The following PCCA variants were observed in gnomAD, a reference collection of about 807,000 sequenced individuals.
PCCA encodes propionyl-CoA carboxylase subunit alpha.
A neutral mutation model predicts 101.3 loss-of-function variants in PCCA; 74 were observed. The observed-to-expected ratio is 0.73, with a 90% CI of 0.61 to 0.89. The LOEUF is 0.89. Ranked by LOEUF, PCCA falls within the 40% of genes least tolerant of loss-of-function variation. The pLI is 0.00. For missense variants in PCCA, 891 were observed against 907.0 expected (o/e 0.98, Z 0.23); for synonymous variants, 294 against 313.6 (o/e 0.94, Z 0.66).
chr13:100,198,348 C>G lies in PCCA; in HGVS notation c.469-10984C>G, dbSNP rs186690455. 13 of 152,300 alleles carry G rather than the reference C, an allele frequency of 8.5e-5. No individual in the cohort carries two copies. In the East Asian group the frequency reaches 1.5e-3, roughly 18 times the overall value. The allele number at this position is 152,300 out of a possible 1,614,324, so 9.4% of individuals were successfully genotyped here. A position where few individuals can be genotyped will look rare whatever the true frequency, so the allele number is the denominator to read the frequency against. ...GCAACCCAGGAGTGAGATTGAATCT[C>G]TGATTAAAGAGCAAAGCTTGAGTGT... On this transcript the variant is annotated intron_variant, in intron 6 of 23. Transcript: ENST00000376285.
intron 21 of PCCA, among the ~76,000 whole-genome samples, chr13:100,498,901 G>A (rs1249122812): frequency 6.6e-6 from 1 of 152,126 alleles, no homozygotes; most frequent in Non-Finnish European, 1.5e-5. Flanking sequence ...CTTGTTTATG[G>A]TAGAGAGAAA....
At chr13:100,225,737 T>C (rs1280530176) in intron 7 of PCCA, among the ~76,000 whole-genome samples, 1 of 152,236 alleles carries the variant, frequency 6.6e-6, no homozygotes, top group Non-Finnish European at 1.5e-5. Context: ...AAGACTCAAT[T>C]ATTTTTACTA....
At chr13:100,376,370 G>C (rs2075902861) in intron 19 of PCCA, among the ~76,000 whole-genome samples, 1 of 152,212 alleles carries the variant, frequency 6.6e-6, no homozygotes, top group Non-Finnish European at 1.5e-5. Flanking sequence ...AACAGAGCTG[G>C]AGTGCTGTGC....
intron 20 of PCCA, among the ~76,000 whole-genome samples, chr13:100,440,212 A>G (rs1186468772): frequency 3.9e-5 from 5 of 127,570 alleles, no homozygotes; most frequent in Non-Finnish European, 7.9e-5. Flanking sequence ...ATATATATAA[A>G]ACGTGATAAC....
intron 7 of PCCA, among the ~76,000 whole-genome samples, chr13:100,210,181 T>C (rs578040536): frequency 6.6e-6 from 1 of 152,298 alleles, no homozygotes; most frequent in South Asian, 2.1e-4. Context: ...TCTCACCGTG[T>C]TGCCCAGGCT....
chr13:100,414,352 T>G (rs1051712588), intron 19 of PCCA, among the ~76,000 whole-genome samples: 1 of 152,216 alleles, frequency 6.6e-6, no homozygotes, highest in African/African-American at 2.4e-5. Context: ...GGGAGGTCAC[T>G]AGAGGTATGA....
Position 100,111,739 on chromosome 13 carries a change from G to C in PCCA, c.184-102G>C, listed in dbSNP as rs138584872. 30 of 724,956 alleles carry C rather than the reference G, an allele frequency of 4.1e-5. No homozygotes were observed. The African/African-American group carries it at 5.1e-4, about 12-fold the overall frequency. 44.9% of individuals were successfully genotyped at this position (724,956 alleles called of 1,614,324 possible). A position where few individuals can be genotyped will look rare whatever the true frequency, so the allele number is the denominator to read the frequency against. ...ACTCTAGGAAGTAATGTTTATTAGG[G>C]TTATATTCAGTGTTGATGTTGGAAA... On this transcript the variant is annotated intron_variant, in intron 2 of 23. Coordinates refer to ENST00000376285, the MANE Select transcript of PCCA (RefSeq NM_000282.4).
chr13:100,308,077 T>A (rs1183698050), intron 15 of PCCA, among the ~76,000 whole-genome samples: 2 of 152,078 alleles, frequency 1.3e-5, no homozygotes, highest in African/African-American at 4.8e-5. Flanking sequence ...ATGGTCTCCA[T>A]CTCCTGACCT....
chr13:100,255,186 T>G lies in PCCA; in HGVS notation c.638-2409T>G, dbSNP rs542014256. 9.6e-4 allele frequency among the ~76,000 whole-genome samples: 147 copies of G among 152,336 alleles called. 1 individual carries two copies. The highest frequency in any genetic ancestry group is 3.2e-3 in the African/African-American group (134 of 41,582). The stretch of plus-strand genomic sequence containing the variant: ...GGGAATCTTGCCTTCCTGGGTTACA[T>G]GTATTCACAGGTCTAATGCTGTGAT... On this transcript the variant is annotated intron_variant, in intron 8 of 23. Transcript: ENST00000376285.
At chr13:100,208,319 T>TC (rs1040993967) in intron 6 of PCCA, among the ~76,000 whole-genome samples, 3 of 152,148 alleles carry the variant, frequency 2.0e-5, no homozygotes, top group Non-Finnish European at 2.9e-5. Context: ...GAACCTTTTT[T>TC]CCCAAGTCAA....
At chr13:100,202,219 A>G (rs940537929) in intron 6 of PCCA, among the ~76,000 whole-genome samples, 2 of 150,522 alleles carry the variant, frequency 1.3e-5, no homozygotes, top group African/African-American at 2.4e-5. Context: ...CTGTAGGCCT[A>G]GCTACTTGGG....
At chr13:100,376,924 C>A (rs1439662628) in intron 19 of PCCA, among the ~76,000 whole-genome samples, 1 of 152,180 alleles carries the variant, frequency 6.6e-6, no homozygotes, top group Non-Finnish European at 1.5e-5. Context: ...AAACCCAGGG[C>A]CCTGGTGGTG....
At chr13:100,177,330 G>C (rs2056329625) in intron 6 of PCCA, among the ~76,000 whole-genome samples, 1 of 152,150 alleles carries the variant, frequency 6.6e-6, no homozygotes, top group Non-Finnish European at 1.5e-5. Flanking sequence ...CAGCTTTCTA[G>C]TGTCAGAGTA....
chr13:100,196,379 G>T (rs1325438158), intron 6 of PCCA, among the ~76,000 whole-genome samples: 1 of 152,124 alleles, frequency 6.6e-6, no homozygotes, highest in African/African-American at 2.4e-5. Context: ...CATCAGTGTA[G>T]GAGAAACAAG....
rs1422906786 is a variant in PCCA at position 100,450,308 on chromosome 13, CGCCTGAACTGAG to C, written c.1899+1005_1899+1016del. Among the ~76,000 whole-genome samples, 8 of 151,884 alleles carry C rather than the reference CGCCTGAACTGAG, an allele frequency of 5.3e-5. No homozygotes were observed. The East Asian group carries it at 1.2e-3, about 22-fold the overall frequency. On this transcript the variant is annotated intron_variant, in intron 21 of 23. Transcript: ENST00000376285. ...CTGAGGGAGGCTGAGGCAGGAGAAT[CGCCTGAACTGAG>C]GAGGTGGAGGTTGCAGTGAGCCACG...
At chr13:100,234,697 C>G (rs533375671) in intron 7 of PCCA, among the ~76,000 whole-genome samples, 1 of 151,238 alleles carries the variant, frequency 6.6e-6, no homozygotes, top group Non-Finnish European at 1.5e-5. Context: ...AACATCCCCC[C>G]CCGCCCCCTT....
intron 18 of PCCA, among the ~76,000 whole-genome samples, chr13:100,366,593 T>C (rs1269897300): frequency 3.3e-5 from 5 of 152,066 alleles, no homozygotes; most frequent in African/African-American, 9.7e-5. Context: ...TTTCTTCCCT[T>C]CTTCCTTTCT....
chr13:100,304,698 T>G (rs2066321870), intron 14 of PCCA, among the ~76,000 whole-genome samples: 1 of 152,124 alleles, frequency 6.6e-6, no homozygotes, highest in Non-Finnish European at 1.5e-5. Flanking sequence ...CGTACAGAGG[T>G]GCTTGGGTGT....
rs866286039 is a variant in PCCA, at chr13:100,493,952, A to G, written c.1900-21475A>G. On this transcript the variant is annotated intron_variant, in intron 21 of 23. Coordinates refer to ENST00000376285, the MANE Select transcript of PCCA (RefSeq NM_000282.4). ...ACGCCTGTAATCTCAGCACTTTGGG[A>G]GGCCGAGGTGGGCAGATTACGAGGT... Among the ~76,000 whole-genome samples the G allele has an allele frequency of 5.3e-5, 8 of 152,178 alleles. No homozygotes were observed. The East Asian group carries it at 1.5e-3, about 29-fold the overall frequency.
Sources: gnomAD v4.1 joint callset for allele counts (sites outside exome capture counted in the v4.1 genomes callset) on GRCh38, gnomAD v4.1.1 for gene constraint, MANE v1.5 for transcripts, NCBI Gene and HGNC (gene_info 2026-07-23, HGNC 2026-07-21) for gene names.